Variants in UBR2 observed in about 807,000 individuals in gnomAD.
UBR2 encodes ubiquitin protein ligase E3 component n-recognin 2.
In UBR2, 92 loss-of-function variants were observed where a neutral mutation model predicts 247.9. The observed-to-expected ratio is 0.37, with a 90% CI of 0.31 to 0.44. The LOEUF is 0.44. UBR2 is among the 20% of genes least tolerant of loss of function. The pLI, the probability that UBR2 is intolerant of heterozygous loss-of-function variation, is 1.00. For synonymous variants in UBR2, 672 were observed against 693.5 expected, an observed-to-expected ratio of 0.97 and a Z score of 0.49; for missense variants, 1,613 against 2,112.6, an observed-to-expected ratio of 0.76 and a Z score of 4.64.
chr6:42,686,560 G>A (rs1291074482), intron 44 of UBR2, among the ~76,000 whole-genome samples: 1 of 152,158 alleles, frequency 6.6e-6, no homozygotes, highest in East Asian at 1.9e-4. Flanking sequence ...AACCGCCATC[G>A]TCATCACGGC....
rs796492479 is a variant in UBR2, at chr6:42,659,530, C to T, written c.3243-126C>T. On this transcript the variant is annotated intron_variant, in intron 29 of 46. Coordinates refer to ENST00000372901, the MANE Select transcript of UBR2 (RefSeq NM_001363705.2). This position sits in a 1 kb window ranked among gnomAD's most constrained non-coding sequence, Gnocchi z 4.3. Reference sequence around the variant, plus strand: ...ATAAATAAATATATATACACACACACACACACACACACACACACACACACA... The same window carrying T: ...ATAAATAAATATATATACACACACATACACACACACACACACACACACACA... 9.3e-3 allele frequency: 4,688 copies of T among 501,490 alleles called. 35 individuals carry two copies. The highest frequency in any genetic ancestry group is 0.019 in the Middle Eastern group (35 of 1,828). 31.1% of individuals were successfully genotyped at this position (501,490 alleles called of 1,614,324 possible). A position where few individuals can be genotyped will look rare whatever the true frequency, so the allele number is the denominator to read the frequency against.
At chr6:42,645,735 TATGA>T (rs2151961672) in intron 21 of UBR2, 145 bp downstream of exon 21, 1 of 792,270 alleles carries the variant, frequency 1.3e-6, no homozygotes, top group African/African-American at 1.8e-5. Flanking sequence ...TCACTCTTAT[TATGA>T]ATAATTAGAA....
intron 2 of UBR2, among the ~76,000 whole-genome samples, chr6:42,575,402 G>A (rs1791441638): frequency 6.6e-6 from 1 of 152,152 alleles, no homozygotes; most frequent in Non-Finnish European, 1.5e-5. Context: ...TTGATGTTTG[G>A]AGCAGTAGAC....
intron 22 of UBR2, among the ~76,000 whole-genome samples, chr6:42,648,404 A>G (rs1429799548): frequency 6.6e-6 from 1 of 152,218 alleles, no homozygotes; most frequent in East Asian, 1.9e-4. Context: ...CATTCAGAAT[A>G]GGTGTTCATA....
intron 20 of UBR2, among the ~76,000 whole-genome samples, chr6:42,645,199 C>T (rs997577634): frequency 5.9e-5 from 9 of 151,866 alleles, no homozygotes; most frequent in Middle Eastern, 3.4e-3. Flanking sequence ...ACATTTAATC[C>T]CTTCCCACAT....
intron 33 of UBR2, 53 bp from the exon 34 acceptor site, chr6:42,666,114 T>A: frequency 6.7e-7 from 1 of 1,489,346 alleles, no homozygotes; most frequent in Non-Finnish European, 9.2e-7. Flanking sequence ...TGGCTGTACT[T>A]TTAGGAATAT....
At chr6:42,619,633 A>G in intron 11 of UBR2, 1 of 155,606 alleles carries the variant, frequency 6.4e-6, no homozygotes, top group Non-Finnish European at 1.4e-5. Flanking sequence ...CCTGAGGCTG[A>G]GGCAGAAGAA....
At chr6:42,672,987 A>C (rs915448738) in intron 36 of UBR2, among the ~76,000 whole-genome samples, 3 of 152,248 alleles carry the variant, frequency 2.0e-5, no homozygotes, top group African/African-American at 7.2e-5. Flanking sequence ...TCATCAACTT[A>C]TCACATACCC....
At position 42,674,870 on chromosome 6, in the gene UBR2, G is replaced by T. The variant is rs1045600975; in HGVS notation, c.4251+677G>T. 4.6e-5 allele frequency among the ~76,000 whole-genome samples: 7 copies of T among 152,178 alleles called. No individual in the cohort carries two copies. The East Asian group carries it at 1.2e-3, about 25-fold the overall frequency. On this transcript the variant is annotated intron_variant, in intron 38 of 46. Coordinates refer to ENST00000372901, the MANE Select transcript of UBR2 (RefSeq NM_001363705.2). ...TGTGGTCACACTACTTAGCAGCAGA[G>T]AGCCCCTTATAATTCAGGGAAAGGT...
At chr6:42,626,951 T>C (rs571753707) in intron 11 of UBR2, among the ~76,000 whole-genome samples, 1 of 152,288 alleles carries the variant, frequency 6.6e-6, no homozygotes, top group African/African-American at 2.4e-5. Flanking sequence ...CACAATGGGT[T>C]ACCTTGCTCG....
intron 41 of UBR2, among the ~76,000 whole-genome samples, chr6:42,679,013 A>T (rs1052258808): frequency 1.3e-5 from 2 of 152,262 alleles, no homozygotes; most frequent in African/African-American, 4.8e-5. Context: ...TGACAATTTC[A>T]AGTGATTTTT....
chr6:42,642,126 C>G (rs556717849), intron 17 of UBR2, among the ~76,000 whole-genome samples: 1 of 151,932 alleles, frequency 6.6e-6, no homozygotes, highest in South Asian at 2.1e-4. Context: ...TAGCCATAAA[C>G]AGATTTTGTT....
rs1448978649 is a variant in UBR2, at chr6:42,644,310, AG to A, written c.2195del (p.Arg732AsnfsTer18). On this transcript the variant is annotated frameshift_variant, in exon 19 of 47. Transcript: ENST00000372901. LOFTEE classifies it high-confidence loss of function. ...QIFSTPDYGK[R>X]FSSEITHKDV... Reference sequence around the variant, plus strand: ...TTTCAGTACTCCAGACTATGGAAAAAGATTTAGTTCTGAGATTACCCATAAG... The same window carrying A: ...TTTCAGTACTCCAGACTATGGAAAAAATTTAGTTCTGAGATTACCCATAAG... The A allele has an allele frequency of 3.1e-6, 5 of 1,613,506 alleles. No individual in the cohort carries two copies. Among genetic ancestry groups the A allele is most frequent in the Non-Finnish European group, 3.4e-6 (4 of 1,179,840 alleles).
chr6:42,623,778 T>C (rs1055642778), intron 11 of UBR2, among the ~76,000 whole-genome samples: 1 of 152,170 alleles, frequency 6.6e-6, no homozygotes, highest in Non-Finnish European at 1.5e-5. Flanking sequence ...ATCATGAATA[T>C]GTGTTTAATT....
chr6:42,601,887 T>TAGTAGAGA (rs1562298358), intron 4 of UBR2, among the ~76,000 whole-genome samples: 10 of 133,542 alleles, frequency 7.5e-5, no homozygotes, highest in South Asian at 2.5e-4. Flanking sequence ...TTTTTTTTTT[T>TAGTAGAGA]TTGATGGAGT....
At chr6:42,628,722 CAAAAA>C (rs34316224) in intron 11 of UBR2, among the ~76,000 whole-genome samples, 4 of 102,876 alleles carry the variant, frequency 3.9e-5, no homozygotes, top group Non-Finnish European at 6.0e-5. Flanking sequence ...GGCTCTGACT[CAAAAA>C]AAAAAAAAAA....
chr6:42,677,879 A>C (rs1221145773), intron 40 of UBR2, among the ~76,000 whole-genome samples: 1 of 152,204 alleles, frequency 6.6e-6, no homozygotes, highest in African/African-American at 2.4e-5. Context: ...GTGTTCCAAA[A>C]TATTATAAAT....
intron 2 of UBR2, among the ~76,000 whole-genome samples, chr6:42,584,394 T>A (rs984188994): frequency 2.6e-5 from 4 of 152,250 alleles, no homozygotes; most frequent in African/African-American, 4.8e-5. Flanking sequence ...TCTATTCTTA[T>A]GTCAAAGACA....
chr6:42,665,645 A>G, intron 33 of UBR2, 133 bp downstream of exon 33: 3 of 683,540 alleles, frequency 4.4e-6, no homozygotes, highest in East Asian at 2.7e-5. Context: ...CCTTGTCTTA[A>G]TAAACTAAAT....
Sources: gnomAD v4.1 joint callset for allele counts (sites outside exome capture counted in the v4.1 genomes callset) on GRCh38, gnomAD v4.1.1 for gene constraint, Gnocchi (gnomAD v3.1) non-coding constraint, MANE v1.5 for transcripts, NCBI Gene and HGNC (gene_info 2026-07-23, HGNC 2026-07-21) for gene names.